Variants in FAT1 observed in about 807,000 individuals in gnomAD.
FAT1 encodes FAT atypical cadherin 1, also known as protocadherin Fat 1.
Under a neutral mutation model 329.8 loss-of-function variants are expected in FAT1, and 171 were observed. That is an observed-to-expected ratio of 0.52 (90% CI 0.46 to 0.59). The LOEUF (loss-of-function observed/expected upper bound fraction) is 0.59, where lower values mean the gene tolerates loss of function less well. FAT1 is among the 20% of genes least tolerant of loss of function. The pLI is 0.00. For synonymous variants in FAT1, 2,233 were observed against 2,228.6 expected (o/e 1.00, Z -0.06); for missense variants, 5,672 against 5,774.4 (o/e 0.98, Z 0.57).
intron 26 of FAT1, among the ~76,000 whole-genome samples, chr4:186,591,163 G>A (rs1259184786): frequency 1.3e-5 from 2 of 152,216 alleles, no homozygotes; most frequent in African/African-American, 2.4e-5. Flanking sequence ...GTGAAAATCC[G>A]TTAGAGTTGT....
chr4:186,622,216 T>C (rs1560945247), intron 9 of FAT1, among the ~76,000 whole-genome samples: 1 of 152,224 alleles, frequency 6.6e-6, no homozygotes, highest in African/African-American at 2.4e-5. Context: ...AAGATTTCGA[T>C]TCAGTAAGAA....
chr4:186,594,476 T>C (rs1357238749), intron 26 of FAT1, among the ~76,000 whole-genome samples: 2 of 151,540 alleles, frequency 1.3e-5, no homozygotes, highest in African/African-American at 2.4e-5. Context: ...ATATAAATTA[T>C]TACATAAACT....
intron 2 of FAT1, among the ~76,000 whole-genome samples, chr4:186,686,548 T>C (rs961065495): frequency 3.9e-5 from 6 of 152,234 alleles, no homozygotes; most frequent in Non-Finnish European, 8.8e-5. Context: ...TAATATTTAA[T>C]TATTGAATCT....
intron 2 of FAT1, among the ~76,000 whole-genome samples, chr4:186,669,576 T>TA (rs1742639769): frequency 6.6e-6 from 1 of 152,216 alleles, no homozygotes; most frequent in Admixed American, 6.5e-5. Flanking sequence ...TTGGAGTTAT[T>TA]AAGTAAGAAT....
intron 1 of FAT1, among the ~76,000 whole-genome samples, chr4:186,720,733 G>A (rs1265675051): frequency 6.6e-6 from 1 of 152,214 alleles, no homozygotes; most frequent in Non-Finnish European, 1.5e-5. Context: ...AGCACTAGAT[G>A]TTGTGTCTGG....
Position 186,595,702 on chromosome 4 carries a change from C to T in FAT1, c.13125G>A (p.Ser4375=), listed in dbSNP as rs761872072. The stretch of plus-strand genomic sequence containing the variant: ...CTGCTGCCTCACCATTGTCATCGCA[C>T]GATTCGGACTGGAAGGAGCTCAGAG... ...VQSLSSFQSE[S]CDDNGYHWDT... Residue 4375 remains serine (S), a synonymous_variant, in exon 26 of 27, where the codon TCG becomes TCA. Transcript: ENST00000441802. 6 of 1,613,820 alleles carry T rather than the reference C, an allele frequency of 3.7e-6. No homozygotes were observed. The highest frequency in any genetic ancestry group is 2.7e-5 in the African/African-American group (2 of 74,930).
chr4:186,604,669 A>G (rs1349983477), intron 17 of FAT1, 95 bp from the exon 18 acceptor site: 1 of 772,924 alleles, frequency 1.3e-6, no homozygotes, highest in African/African-American at 1.8e-5. Flanking sequence ...TATAAAATAC[A>G]TACAAAACAA....
In FAT1 at chr4:186,684,249, T is replaced by G. The variant is rs536822088; in HGVS notation, c.3266-20636A>C. On this transcript the variant is annotated intron_variant, in intron 2 of 26. Coordinates refer to ENST00000441802, the MANE Select transcript of FAT1 (RefSeq NM_005245.4). ...ACAATATTAAACTACATTCTCTTGT[T>G]GTTTAATCGTCTCATCTAGACTGAA... is the stretch of plus-strand genomic sequence containing the variant. Among the ~76,000 whole-genome samples the G allele has an allele frequency of 3.3e-5, 5 of 152,336 alleles. No homozygotes were observed. In the South Asian group the frequency reaches 1.0e-3, roughly 32 times the overall value.
upstream of FAT1, among the ~76,000 whole-genome samples, chr4:186,725,810 C>T (rs1745700083): frequency 6.6e-6 from 1 of 152,174 alleles, no homozygotes; most frequent in Non-Finnish European, 1.5e-5. This position sits in a 1 kb window ranked among gnomAD's most constrained non-coding sequence, Gnocchi z 5.4. Flanking sequence ...GAGACGGTTC[C>T]AGAAACAAAA....
chr4:186,694,414 T>C (rs1743930634), intron 2 of FAT1, among the ~76,000 whole-genome samples: 1 of 152,236 alleles, frequency 6.6e-6, no homozygotes, highest in Non-Finnish European at 1.5e-5. Context: ...TTTCTATTTA[T>C]ATGAGTGGAA....
chr4:186,668,974 G>C lies in FAT1; in HGVS notation c.3266-5361C>G, dbSNP rs79104891. Reference sequence around the variant, plus strand: ...CAATAAGTACTTTTTTATATAGTGGGTTATAAACTCACCCTGGAGACAAAA... The same window carrying C: ...CAATAAGTACTTTTTTATATAGTGGCTTATAAACTCACCCTGGAGACAAAA... On this transcript the variant is annotated intron_variant, in intron 2 of 26. Coordinates refer to ENST00000441802, the MANE Select transcript of FAT1 (RefSeq NM_005245.4). Among the ~76,000 whole-genome samples the C allele has an allele frequency of 2.8e-4, 43 of 152,164 alleles. No individual in the cohort carries two copies. In the East Asian group the frequency reaches 7.5e-3, roughly 27 times the overall value.
intron 3 of FAT1, among the ~76,000 whole-genome samples, chr4:186,656,907 C>G (rs1741927633): frequency 2.6e-5 from 4 of 152,112 alleles, no homozygotes. Context: ...GCATCTTTTT[C>G]TGATTTAAAA....
chr4:186,650,592 T>G (rs560090013), intron 3 of FAT1, among the ~76,000 whole-genome samples: 1 of 152,316 alleles, frequency 6.6e-6, no homozygotes, highest in Non-Finnish European at 1.5e-5. Flanking sequence ...ATGTTATCAT[T>G]AGTCAGAAAA....
intron 1 of FAT1, among the ~76,000 whole-genome samples, chr4:186,716,581 C>G (rs1420963409): frequency 1.3e-5 from 2 of 152,048 alleles, no homozygotes; most frequent in African/African-American, 4.8e-5. Context: ...CCATGCCCAG[C>G]TAATTTTTTG....
chr4:186,694,533 G>A (rs1184562150), intron 2 of FAT1, among the ~76,000 whole-genome samples: 1 of 152,122 alleles, frequency 6.6e-6, no homozygotes, highest in Non-Finnish European at 1.5e-5. Flanking sequence ...ACTACTTTTA[G>A]TTTACATACA....
chr4:186,648,158 G>A (rs1480481069), intron 3 of FAT1, among the ~76,000 whole-genome samples: 1 of 152,120 alleles, frequency 6.6e-6, no homozygotes, highest in Non-Finnish European at 1.5e-5. Context: ...CCTGGGAAAT[G>A]GAACAGGTAG....
intron 2 of FAT1, among the ~76,000 whole-genome samples, chr4:186,705,204 A>G (rs1213303402): frequency 6.6e-6 from 1 of 150,546 alleles, no homozygotes; most frequent in Non-Finnish European, 1.5e-5. Context: ...TGCGCCTCCC[A>G]AAGTGCTGCG....
intron 2 of FAT1, among the ~76,000 whole-genome samples, chr4:186,700,319 C>T (rs939611940): frequency 6.6e-6 from 1 of 152,174 alleles, no homozygotes; most frequent in South Asian, 2.1e-4. Context: ...TTTACAACTG[C>T]AAACACAAAT....
At chr4:186,617,299 A>G in intron 10 of FAT1, 98 bp from the exon 11 acceptor site, 2 of 867,122 alleles carry the variant, frequency 2.3e-6, no homozygotes, top group Non-Finnish European at 3.4e-6. Flanking sequence ...ATAATGTTAT[A>G]GTTTAAAAGA....
Sources: gnomAD v4.1 joint callset for allele counts (sites outside exome capture counted in the v4.1 genomes callset) on GRCh38, gnomAD v4.1.1 for gene constraint, Gnocchi (gnomAD v3.1) non-coding constraint, MANE v1.5 for transcripts, NCBI Gene and HGNC (gene_info 2026-07-23, HGNC 2026-07-21) for gene names.